Variants in ADAM22 observed in about 807,000 individuals in gnomAD.
ADAM22 encodes the protein ADAM metallopeptidase domain 22.
A neutral mutation model predicts 144.6 loss-of-function variants in ADAM22; 65 were observed. That is an observed-to-expected ratio of 0.45 (90% CI 0.37 to 0.55). The LOEUF (loss-of-function observed/expected upper bound fraction) is 0.55. Among genes scored for constraint, ADAM22 ranks in the 20% least tolerant of loss-of-function variants. ADAM22 has a pLI of 0.00. For missense variants in ADAM22, 974 were observed against 1,184.9 expected, an observed-to-expected ratio of 0.82 and a Z score of 2.61; for synonymous variants, 391 against 412.6, an observed-to-expected ratio of 0.95 and a Z score of 0.63.
intron 27 of ADAM22, among the ~76,000 whole-genome samples, chr7:88,180,878 A>G (rs1846849140): frequency 6.6e-6 from 1 of 152,152 alleles, no homozygotes; most frequent in African/African-American, 2.4e-5. Flanking sequence ...TCAATGGTAC[A>G]TGGGCTTTGT....
At chr7:88,025,544 T>C (rs1315688298) in intron 3 of ADAM22, among the ~76,000 whole-genome samples, 1 of 152,222 alleles carries the variant, frequency 6.6e-6, no homozygotes, top group East Asian at 1.9e-4. Flanking sequence ...TTGATTTTTG[T>C]ATATGGCAAG....
intron 26 of ADAM22, among the ~76,000 whole-genome samples, chr7:88,176,466 T>C (rs1042182703): frequency 2.6e-5 from 4 of 152,228 alleles, no homozygotes; most frequent in African/African-American, 4.8e-5. Context: ...CCACAGTTTA[T>C]GATGTATTTA....
At chr7:87,991,352 ATTTTTTT>A (rs10549124) in intron 3 of ADAM22, among the ~76,000 whole-genome samples, 1 of 86,036 alleles carries the variant, frequency 1.2e-5, no homozygotes, top group Admixed American at 1.6e-4. Context: ...CACTAGCCTT[ATTTTTTT>A]TTTTTTTTTT....
chr7:87,982,586 T>A (rs1202756790), intron 3 of ADAM22, among the ~76,000 whole-genome samples: 1 of 144,624 alleles, frequency 6.9e-6, no homozygotes, highest in Admixed American at 7.0e-5. Context: ...CAGAGGTTAT[T>A]GATTTTTCCC....
intron 22 of ADAM22, among the ~76,000 whole-genome samples, chr7:88,158,291 C>T (rs1447810317): frequency 6.6e-6 from 1 of 152,080 alleles, no homozygotes; most frequent in Non-Finnish European, 1.5e-5. Context: ...TAAACTCCCT[C>T]ACAATAACAG....
chr7:88,084,217 C>G (rs927606195), intron 4 of ADAM22, among the ~76,000 whole-genome samples: 1 of 152,144 alleles, frequency 6.6e-6, no homozygotes, highest in Non-Finnish European at 1.5e-5. Context: ...GCACTTCACT[C>G]TGGGATCTTA....
At chr7:88,137,453 T>C (rs777252320) in intron 14 of ADAM22, among the ~76,000 whole-genome samples, 8 of 152,222 alleles carry the variant, frequency 5.3e-5, no homozygotes, top group Non-Finnish European at 1.0e-4. Flanking sequence ...TTCAATTTGC[T>C]AACCATAATA....
chr7:87,987,811 G>A (rs1391671828), intron 3 of ADAM22, among the ~76,000 whole-genome samples: 3 of 152,130 alleles, frequency 2.0e-5, no homozygotes, highest in South Asian at 2.1e-4. Context: ...ATTTATCTCA[G>A]TATGTCTGTA....
chr7:88,064,004 C>T (rs1469985472), intron 3 of ADAM22, among the ~76,000 whole-genome samples: 1 of 152,122 alleles, frequency 6.6e-6, no homozygotes, highest in Non-Finnish European at 1.5e-5. Context: ...AAACAGTTTA[C>T]AATGAAGTGA....
At position 88,149,109 on chromosome 7, in the gene ADAM22, T is replaced by C. The variant is rs545511902; in HGVS notation, c.1566+52T>C. 6.5e-6 allele frequency: 8 copies of C among 1,224,420 alleles called. No homozygotes were observed. The Admixed American group carries it at 7.0e-5, about 11-fold the overall frequency. 75.8% of individuals were successfully genotyped at this position (1,224,420 alleles called of 1,614,324 possible). A position where few individuals can be genotyped will look rare whatever the true frequency, so the allele number is the denominator to read the frequency against. ...ACTTATGGGAAAAAGTGGGGGTATC[T>C]TTAGTGCACTGACCCTCAAAGAGAA... On this transcript the variant is annotated intron_variant, in intron 18 of 31. Coordinates refer to ENST00000413139, the MANE Select transcript of ADAM22 (RefSeq NM_001324418.2).
At chr7:88,188,761 G>A (rs181540376) in intron 30 of ADAM22, among the ~76,000 whole-genome samples, 1 of 152,326 alleles carries the variant, frequency 6.6e-6, no homozygotes, top group African/African-American at 2.4e-5. Flanking sequence ...CTTGGCTTGT[G>A]CCTTGCCAAC....
At chr7:88,128,476 A>G (rs749301141) in intron 8 of ADAM22, 126 bp from the exon 9 acceptor site, 2 of 728,602 alleles carry the variant, frequency 2.7e-6, no homozygotes, top group Non-Finnish European at 2.4e-6. Context: ...TTGATGAAAA[A>G]TTTTTTAAAT....
intron 2 of ADAM22, among the ~76,000 whole-genome samples, chr7:87,956,914 A>G (rs1329904582): frequency 6.6e-6 from 1 of 152,234 alleles, no homozygotes; most frequent in East Asian, 1.9e-4. Context: ...ATGTGGAAAC[A>G]CACACATGAA....
chr7:87,968,729 GA>G (rs1562879366), intron 2 of ADAM22, among the ~76,000 whole-genome samples: 3 of 152,066 alleles, frequency 2.0e-5, no homozygotes, highest in Non-Finnish European at 4.4e-5. Context: ...CTCTAAGGGG[GA>G]AAAAGAAAAG....
intron 22 of ADAM22, among the ~76,000 whole-genome samples, chr7:88,159,450 C>CA (rs1563355186): frequency 6.6e-6 from 1 of 151,842 alleles, no homozygotes; most frequent in South Asian, 2.1e-4. Context: ...AGAGACTCTA[C>CA]AAAAAAAGAA....
chr7:88,128,548 C>T (rs377607500), intron 8 of ADAM22, 54 bp from the exon 9 acceptor site: 168 of 1,440,718 alleles, frequency 1.2e-4, no homozygotes, highest in African/African-American at 7.2e-4. Context: ...TTTAGCTTTT[C>T]GCAGCCAAGT....
intron 14 of ADAM22, among the ~76,000 whole-genome samples, chr7:88,142,809 G>T (rs1434166262): frequency 6.6e-6 from 1 of 150,814 alleles, no homozygotes; most frequent in Admixed American, 6.6e-5. Flanking sequence ...CTGCACTCCA[G>T]CCTGGGCGAC....
chr7:88,085,563 A>T (rs918987082), intron 4 of ADAM22, among the ~76,000 whole-genome samples: 1 of 152,180 alleles, frequency 6.6e-6, no homozygotes, highest in Non-Finnish European at 1.5e-5. Context: ...ACAACAACAA[A>T]ATCATGATAA....
At chr7:87,948,033 T>C (rs2131351395) in intron 2 of ADAM22, among the ~76,000 whole-genome samples, 1 of 152,266 alleles carries the variant, frequency 6.6e-6, no homozygotes, top group African/African-American at 2.4e-5. Context: ...GACAATTGTT[T>C]CTTCTCTTTT....
Sources: allele counts gnomAD v4.1 joint callset (sites outside exome capture counted in the v4.1 genomes callset), GRCh38; gene constraint gnomAD v4.1.1; transcripts MANE v1.5; gene names NCBI Gene and HGNC (gene_info 2026-07-23, HGNC 2026-07-21).